Variants in CPSF2 observed in about 807,000 individuals in gnomAD.
CPSF2 encodes cleavage and polyadenylation specific factor 2.
Under a neutral mutation model 84.2 loss-of-function variants are expected in CPSF2, and 51 were observed. The observed-to-expected ratio is 0.61, with a 90% confidence interval of 0.48 to 0.77. The LOEUF is 0.77. CPSF2 is among the 30% of genes least tolerant of loss of function. The probability of loss-of-function intolerance (pLI) is 0.00; values close to 1 mark genes in which losing one functional copy is unlikely to be tolerated. For synonymous variants in CPSF2, 286 were observed against 311.9 expected, an observed-to-expected ratio of 0.92 and a Z score of 0.87; for missense variants, 641 against 929.4, an observed-to-expected ratio of 0.69 and a Z score of 4.03.
intron 11 of CPSF2, among the ~76,000 whole-genome samples, chr14:92,155,785 A>T (rs1470479248): frequency 6.6e-6 from 1 of 151,336 alleles, no homozygotes; most frequent in Non-Finnish European, 1.5e-5. Flanking sequence ...AAAAAAAAAG[A>T]ACTTTGGATG....
chr14:92,160,877 A>G (rs950100088), intron 14 of CPSF2, among the ~76,000 whole-genome samples: 3 of 152,234 alleles, frequency 2.0e-5, no homozygotes, highest in African/African-American at 7.2e-5. Flanking sequence ...ATGACTAACA[A>G]AACTGATTGT....
At chr14:92,132,696 T>A (rs1173317932) in intron 3 of CPSF2, among the ~76,000 whole-genome samples, 2 of 146,710 alleles carry the variant, frequency 1.4e-5, no homozygotes. Flanking sequence ...CACTTGAACC[T>A]GGGAGGCGGA....
At chr14:92,150,931 C>T (rs2069207126) in intron 9 of CPSF2, among the ~76,000 whole-genome samples, 3 of 152,160 alleles carry the variant, frequency 2.0e-5, no homozygotes, top group Admixed American at 6.5e-5. Flanking sequence ...AGATTGACAA[C>T]TTAAACTGAA....
At chr14:92,149,829 G>C (rs1395343228) in intron 9 of CPSF2, among the ~76,000 whole-genome samples, 1 of 150,710 alleles carries the variant, frequency 6.6e-6, no homozygotes, top group Non-Finnish European at 1.5e-5. Flanking sequence ...CTGATTTTTT[G>C]TAGTTTTAGT....
intron 9 of CPSF2, among the ~76,000 whole-genome samples, chr14:92,150,464 G>C (rs2069200657): frequency 6.6e-6 from 1 of 150,914 alleles, no homozygotes; most frequent in African/African-American, 2.4e-5. Context: ...TTGGGTCTCT[G>C]TTGCCCAGGT....
intron 3 of CPSF2, 56 bp from the exon 4 acceptor site, chr14:92,133,955 C>T: frequency 6.4e-7 from 1 of 1,562,384 alleles, no homozygotes; most frequent in Non-Finnish European, 8.8e-7. Flanking sequence ...TTTGAATATT[C>T]TGTCTTTACC....
At position 92,135,448 on chromosome 14, in the gene CPSF2, GAGA is replaced by G. The variant is rs1350858414; in HGVS notation, c.505_507del (p.Glu169del). The G allele has an allele frequency of 1.2e-6, 2 of 1,613,530 alleles. No homozygotes were observed. The highest frequency in any genetic ancestry group is 1.7e-5 in the Admixed American group (1 of 59,942). ...ACAATATGGAAAATAGTCAAAGATG[GAGA>G]AGAAGAAATTGTTTATGCAGTTGAC... On this transcript the variant is annotated inframe_deletion, in exon 6 of 16. Transcript: ENST00000298875.
At chr14:92,126,050 A>C (rs1190435415) in intron 1 of CPSF2, 72 bp from the exon 2 acceptor site, 2 of 152,218 alleles carry the variant, frequency 1.3e-5, no homozygotes, top group African/African-American at 4.8e-5. Context: ...GCAAGATACA[A>C]ATTAAACACC....
chr14:92,130,463 T>C (rs2068905251), intron 2 of CPSF2, among the ~76,000 whole-genome samples: 1 of 152,222 alleles, frequency 6.6e-6, no homozygotes, highest in Non-Finnish European at 1.5e-5. Flanking sequence ...CCTTGAAGGA[T>C]GAGTTCATTA....
In CPSF2 at chr14:92,154,445, G is replaced by C. The variant is rs377078324; in HGVS notation, c.1228G>C (p.Glu410Gln). Residue 410 changes from glutamate to glutamine, a missense_variant, in exon 10 of 16, where the codon GAG becomes CAG. Physicochemically the swap from Glu to Gln is conservative, Grantham distance 29 (BLOSUM62 2). Coordinates refer to ENST00000298875, the MANE Select transcript of CPSF2 (RefSeq NM_017437.3). Reference sequence around the variant, plus strand: ...AAAGAAAGAAGCTGCCAAAAAGCTTGAGCAGTCAAAAGAGTGAGTCATTTT... The same window carrying C: ...AAAGAAAGAAGCTGCCAAAAAGCTTCAGCAGTCAAAAGAGTGAGTCATTTT... ...KLKKEAAKKL[E>Q]QSKEADIDSS... The C allele has an allele frequency of 3.1e-6, 5 of 1,604,696 alleles. No homozygotes were observed. The highest frequency in any genetic ancestry group is 4.3e-6 in the Non-Finnish European group (5 of 1,175,912).
intron 12 of CPSF2, among the ~76,000 whole-genome samples, chr14:92,156,851 G>C (rs1374390727): frequency 6.6e-6 from 1 of 152,112 alleles, no homozygotes; most frequent in Non-Finnish European, 1.5e-5. Flanking sequence ...AATTGGTGGT[G>C]GTGGGGGGTG....
At position 92,130,975 on chromosome 14, in the gene CPSF2, A is replaced by G. The variant is rs1418175657; in HGVS notation, c.-10A>G. On this transcript the variant is annotated 5_prime_UTR_variant, in exon 3 of 16. Transcript: ENST00000298875. ...GACTCTTCTAGCTTGCTGTTTCTGG[A>G]CCAAAAAAAATGACGTCTATTATCA... 11 of 1,607,956 alleles carry G rather than the reference A, an allele frequency of 6.8e-6. No homozygotes were observed. Among genetic ancestry groups the G allele is most frequent in the East Asian group, 2.2e-5 (1 of 44,712 alleles).
intron 9 of CPSF2, among the ~76,000 whole-genome samples, chr14:92,143,584 A>C (rs2069107113): frequency 6.6e-6 from 1 of 152,000 alleles, no homozygotes; most frequent in South Asian, 2.1e-4. Context: ...TAATAGCACA[A>C]ATTTCAGAGT....
rs908361955 is a variant in CPSF2, at chr14:92,162,395, A to G, written c.*651A>G. 6.6e-6 allele frequency: 1 copy of G among 152,602 alleles called. No homozygotes were observed. Among genetic ancestry groups the G allele is most frequent in the African/African-American group, 2.4e-5 (1 of 41,440 alleles). The allele number at this position is 152,602 out of a possible 1,614,324, so 9.5% of individuals were successfully genotyped here. The stretch of plus-strand genomic sequence containing the variant: ...ATCAAGATTTTGTTGTGGCATTTCA[A>G]TGTAAATTATAACACCATCATTTGA... On this transcript the variant is annotated 3_prime_UTR_variant, in exon 16 of 16. Transcript: ENST00000298875.
chr14:92,160,475 A>G (rs909800090), intron 14 of CPSF2, among the ~76,000 whole-genome samples: 1 of 152,222 alleles, frequency 6.6e-6, no homozygotes, highest in African/African-American at 2.4e-5. Flanking sequence ...CTTCAGCCCT[A>G]CTATGAAATT....
chr14:92,139,095 G>A (rs200051787), intron 7 of CPSF2, among the ~76,000 whole-genome samples: 14 of 152,168 alleles, frequency 9.2e-5, no homozygotes, highest in East Asian at 7.7e-4. Flanking sequence ...TAAAGACCTC[G>A]TACAAATCTA....
intron 9 of CPSF2, among the ~76,000 whole-genome samples, chr14:92,145,878 G>A (rs2069136617): frequency 6.6e-6 from 1 of 152,110 alleles, no homozygotes; most frequent in Non-Finnish European, 1.5e-5. Context: ...ACCTTTTCTT[G>A]CTCACCTTCT....
chr14:92,147,858 G>A (rs542055106), intron 9 of CPSF2, among the ~76,000 whole-genome samples: 8 of 152,136 alleles, frequency 5.3e-5, no homozygotes, highest in East Asian at 3.9e-4. Flanking sequence ...CAATTAGTTC[G>A]CACTGCAGGC....
chr14:92,122,660 C>G (rs1033307081), intron 1 of CPSF2, among the ~76,000 whole-genome samples: 1 of 152,214 alleles, frequency 6.6e-6, no homozygotes, highest in African/African-American at 2.4e-5. Flanking sequence ...CGCCCTCCAG[C>G]GCTTCCACTA....
Sources: gnomAD v4.1 joint callset for allele counts (sites outside exome capture counted in the v4.1 genomes callset) on GRCh38, gnomAD v4.1.1 for gene constraint, MANE v1.5 for transcripts, NCBI Gene and HGNC (gene_info 2026-07-23, HGNC 2026-07-21) for gene names.